Variants in TMEM131 observed in about 807,000 individuals in gnomAD.
TMEM131 encodes transmembrane protein 131.
Under a neutral mutation model 211.6 loss-of-function variants are expected in TMEM131, and 66 were observed. The observed-to-expected ratio is 0.31, with a 90% CI of 0.26 to 0.38. The LOEUF (loss-of-function observed/expected upper bound fraction) is 0.38. Among genes scored for constraint, TMEM131 ranks in the 10% least tolerant of loss-of-function variants. The pLI, the probability that TMEM131 is intolerant of heterozygous loss-of-function variation, is 1.00. For missense variants in TMEM131, 2,036 were observed against 2,299.3 expected, an observed-to-expected ratio of 0.89 and a Z score of 2.34; for synonymous variants, 844 against 841.3, an observed-to-expected ratio of 1.00 and a Z score of -0.06.
intron 2 of TMEM131, among the ~76,000 whole-genome samples, chr2:97,916,515 T>C (rs187833572): frequency 1.3e-5 from 2 of 152,340 alleles, no homozygotes; most frequent in Admixed American, 1.3e-4. Context: ...CCCACTTCTC[T>C]CTTCAGCCAC....
At chr2:97,990,546 G>A (rs544878951) in intron 1 of TMEM131, among the ~76,000 whole-genome samples, 5 of 152,292 alleles carry the variant, frequency 3.3e-5, no homozygotes, top group African/African-American at 7.2e-5. Flanking sequence ...CTAAGCCTCA[G>A]TTTCATGATC....
intron 1 of TMEM131, among the ~76,000 whole-genome samples, chr2:97,941,676 G>A (rs989693124): frequency 6.6e-5 from 10 of 152,150 alleles, no homozygotes; most frequent in African/African-American, 1.4e-4. Flanking sequence ...ATATGAACAG[G>A]CACTTCTCAA....
intron 2 of TMEM131, 78 bp downstream of exon 2, chr2:97,927,348 T>C (rs2104443385): frequency 9.0e-7 from 1 of 1,117,234 alleles, no homozygotes; most frequent in African/African-American, 1.6e-5. Flanking sequence ...GATAAACCAA[T>C]TACATTTTTA....
intron 5 of TMEM131, among the ~76,000 whole-genome samples, chr2:97,849,858 T>C (rs954449397): frequency 6.6e-6 from 1 of 151,868 alleles, no homozygotes; most frequent in Non-Finnish European, 1.5e-5. Context: ...AATAATTGAA[T>C]GTTCAGGTTT....
chr2:97,978,993 G>A (rs1279048924), intron 1 of TMEM131, among the ~76,000 whole-genome samples: 1 of 152,312 alleles, frequency 6.6e-6, no homozygotes, highest in South Asian at 2.1e-4. Context: ...CTGCAGAATG[G>A]ATGCTGTGTT....
At chr2:97,962,380 T>G (rs1477297803) in intron 1 of TMEM131, among the ~76,000 whole-genome samples, 2 of 152,112 alleles carry the variant, frequency 1.3e-5, no homozygotes, top group Non-Finnish European at 2.9e-5. Flanking sequence ...GGCGGGTGTC[T>G]GTAGTCCCAG....
intron 17 of TMEM131, 116 bp downstream of exon 17, chr2:97,812,305 C>CA: frequency 8.5e-7 from 1 of 1,179,488 alleles, no homozygotes; most frequent in African/African-American, 1.5e-5. Flanking sequence ...AGCAAGTAAC[C>CA]AACACTATTA....
chr2:97,971,973 C>T (rs1679316834), intron 1 of TMEM131, among the ~76,000 whole-genome samples: 1 of 152,154 alleles, frequency 6.6e-6, no homozygotes, highest in Admixed American at 6.5e-5. Flanking sequence ...TTTGAGAGGC[C>T]AAGCTGGGTG....
chr2:97,980,995 T>C (rs1679762811), intron 1 of TMEM131, among the ~76,000 whole-genome samples: 1 of 106,684 alleles, frequency 9.4e-6, no homozygotes, highest in Non-Finnish European at 1.8e-5. Flanking sequence ...TATTCAAATC[T>C]ATACATGTGC....
chr2:97,835,635 G>T (rs1473176932), intron 8 of TMEM131, among the ~76,000 whole-genome samples: 1 of 152,104 alleles, frequency 6.6e-6, no homozygotes, highest in African/African-American at 2.4e-5. Flanking sequence ...GGAGATTCTT[G>T]TGTTCTACAG....
At chr2:97,974,869 A>G (rs1679462430) in intron 1 of TMEM131, among the ~76,000 whole-genome samples, 1 of 152,242 alleles carries the variant, frequency 6.6e-6, no homozygotes, top group Admixed American at 6.5e-5. Flanking sequence ...GAAGGAAATG[A>G]TACCAGGTGG....
At chr2:97,929,322 A>G (rs1455649942) in intron 1 of TMEM131, among the ~76,000 whole-genome samples, 1 of 151,888 alleles carries the variant, frequency 6.6e-6, no homozygotes, top group Non-Finnish European at 1.5e-5. Context: ...TATAAAATAA[A>G]TATCCATAAA....
chr2:97,774,209 A>C (rs1679601413), intron 32 of TMEM131, among the ~76,000 whole-genome samples: 1 of 152,254 alleles, frequency 6.6e-6, no homozygotes. Flanking sequence ...TTGACCCATC[A>C]GGTATCTTGT....
intron 1 of TMEM131, among the ~76,000 whole-genome samples, chr2:97,933,181 T>G (rs1194613637): frequency 6.6e-6 from 1 of 152,168 alleles, no homozygotes; most frequent in East Asian, 1.9e-4. Context: ...GTTTTCCACG[T>G]TGAGTGATGC....
At position 97,864,144 on chromosome 2, in the gene TMEM131, T is replaced by C. The variant is rs185022124; in HGVS notation, c.360-4717A>G. ...CAGACCCAGAAAGACAAACTTTCCA[T>C]GTTCTCACTATTTGTGGGAGCTAAA... On this transcript the variant is annotated intron_variant, in intron 4 of 40. Coordinates refer to ENST00000186436, the MANE Select transcript of TMEM131 (RefSeq NM_015348.2). Among the ~76,000 whole-genome samples, 106 of 152,304 alleles carry C rather than the reference T, an allele frequency of 7.0e-4. 3 individuals carry two copies. The East Asian group carries it at 0.016, about 24-fold the overall frequency.
chr2:97,861,899 G>C (rs1674083280), intron 4 of TMEM131, among the ~76,000 whole-genome samples: 2 of 152,110 alleles, frequency 1.3e-5, no homozygotes, highest in Admixed American at 1.3e-4. Context: ...AAGCCAGGGA[G>C]TGGTTACAGT....
At chr2:97,935,253 T>C (rs1029229573) in intron 1 of TMEM131, among the ~76,000 whole-genome samples, 3 of 152,126 alleles carry the variant, frequency 2.0e-5, no homozygotes, top group African/African-American at 7.2e-5. Flanking sequence ...AATATCAGGA[T>C]GGTGAAAATG....
At chr2:97,832,409 T>A (rs145748914) in intron 11 of TMEM131, among the ~76,000 whole-genome samples, 71 of 152,356 alleles carry the variant, frequency 4.7e-4, no homozygotes, top group Non-Finnish European at 8.5e-4. Flanking sequence ...AGGTCAGATA[T>A]GAAGACAATG....
intron 4 of TMEM131, among the ~76,000 whole-genome samples, chr2:97,860,034 T>C (rs1437350794): frequency 6.6e-6 from 1 of 152,214 alleles, no homozygotes; most frequent in African/African-American, 2.4e-5. Context: ...TGGTCTGAAA[T>C]CCACAAATCC....
Sources: allele counts gnomAD v4.1 joint callset (sites outside exome capture counted in the v4.1 genomes callset), GRCh38; gene constraint gnomAD v4.1.1; transcripts MANE v1.5; gene names NCBI Gene and HGNC (gene_info 2026-07-23, HGNC 2026-07-21).